Variants in NRG1 observed in about 807,000 individuals in gnomAD.
NRG1 encodes the protein neuregulin 1.
In NRG1, 18 loss-of-function variants were observed where a neutral mutation model predicts 63.8. That is an observed-to-expected ratio of 0.28 (90% CI 0.19 to 0.42). The LOEUF (loss-of-function observed/expected upper bound fraction) is 0.42. Ranked by LOEUF, NRG1 falls within the 10% of genes least tolerant of loss-of-function variation. The pLI, the probability that NRG1 is intolerant of heterozygous loss-of-function variation, is 1.00. For synonymous variants in NRG1, 302 were observed against 301.3 expected, an observed-to-expected ratio of 1.00 and a Z score of -0.02; for missense variants, 762 against 814.7, an observed-to-expected ratio of 0.94 and a Z score of 0.79.
chr8:32,551,588 T>C (rs1220303763), intron 1 of NRG1, among the ~76,000 whole-genome samples: 1 of 152,224 alleles, frequency 6.6e-6, no homozygotes, highest in Non-Finnish European at 1.5e-5. Flanking sequence ...GATACATACA[T>C]GGCTATTTCA....
chr8:31,708,034 T>C (rs569124219), intron 1 of NRG1, among the ~76,000 whole-genome samples: 1 of 152,326 alleles, frequency 6.6e-6, no homozygotes, highest in East Asian at 1.9e-4. Flanking sequence ...TAATGGTTTT[T>C]GGTCTCGGTT....
intron 1 of NRG1, among the ~76,000 whole-genome samples, chr8:31,882,528 A>G (rs1419259828): frequency 6.6e-6 from 1 of 152,004 alleles, no homozygotes; most frequent in African/African-American, 2.4e-5. Context: ...TTGAAGAAAC[A>G]CATTTTTTAA....
intron 1 of NRG1, among the ~76,000 whole-genome samples, chr8:32,562,457 C>T (rs570630591): frequency 6.6e-4 from 100 of 152,120 alleles, no homozygotes; most frequent in Middle Eastern, 3.4e-3. Flanking sequence ...CTATGCTGCC[C>T]AAGCTGGTCT....
At chr8:32,313,150 G>A (rs1052139333) in intron 1 of NRG1, among the ~76,000 whole-genome samples, 3 of 152,116 alleles carry the variant, frequency 2.0e-5, no homozygotes, top group South Asian at 2.1e-4. Flanking sequence ...GTGAGATTCC[G>A]TCATATATAT....
chr8:32,657,431 C>G (rs549841562), intron 5 of NRG1, among the ~76,000 whole-genome samples: 11 of 152,146 alleles, frequency 7.2e-5, no homozygotes, highest in African/African-American at 2.7e-4. Context: ...TGCTCTGAAG[C>G]CAGTGTCCTA....
At chr8:31,671,184 T>C (rs1807103726) in intron 1 of NRG1, among the ~76,000 whole-genome samples, 1 of 152,110 alleles carries the variant, frequency 6.6e-6, no homozygotes, top group Non-Finnish European at 1.5e-5. Flanking sequence ...AAACAAAACA[T>C]AACTTGAGTT....
At chr8:32,470,960 G>A (rs908351370) in intron 1 of NRG1, among the ~76,000 whole-genome samples, 1 of 152,050 alleles carries the variant, frequency 6.6e-6, no homozygotes, top group South Asian at 2.1e-4. Flanking sequence ...ATCATGCGTG[G>A]CTAATTTCTA....
At chr8:32,470,608 C>G (rs1823723953) in intron 1 of NRG1, among the ~76,000 whole-genome samples, 1 of 152,146 alleles carries the variant, frequency 6.6e-6, no homozygotes, top group African/African-American at 2.4e-5. Flanking sequence ...GCATATAAAA[C>G]TAGAATTACT....
At chr8:32,133,850 G>A (rs1259550996) in intron 1 of NRG1, among the ~76,000 whole-genome samples, 1 of 152,090 alleles carries the variant, frequency 6.6e-6, no homozygotes, top group Non-Finnish European at 1.5e-5. Context: ...GATTTCTTAG[G>A]CCTGTTCATA....
intron 1 of NRG1, among the ~76,000 whole-genome samples, chr8:32,410,867 T>C (rs953245564): frequency 2.1e-5 from 3 of 143,644 alleles, no homozygotes; most frequent in African/African-American, 8.0e-5. Context: ...GCTTAAGTGA[T>C]CACAACCCAC....
chr8:32,307,589 T>TG (rs1563296243), intron 1 of NRG1, among the ~76,000 whole-genome samples: 20,926 of 93,428 alleles, frequency 0.22, 1,662 homozygotes, highest in Admixed American at 0.32. Flanking sequence ...ACCCAGGGGT[T>TG]TGTGTGTGTG....
chr8:31,904,633 T>A (rs145116310), intron 1 of NRG1, among the ~76,000 whole-genome samples: 5 of 152,232 alleles, frequency 3.3e-5, no homozygotes, highest in Non-Finnish European at 4.4e-5. Flanking sequence ...ACCTAAATGC[T>A]CACCAACAGT....
intron 1 of NRG1, among the ~76,000 whole-genome samples, chr8:32,297,366 A>G (rs1488374699): frequency 6.6e-6 from 1 of 152,150 alleles, no homozygotes; most frequent in Non-Finnish European, 1.5e-5. Context: ...TTTTAGACTC[A>G]TTTAAATAGT....
At chr8:32,279,366 GT>G (rs1563263553) in intron 1 of NRG1, among the ~76,000 whole-genome samples, 1 of 152,006 alleles carries the variant, frequency 6.6e-6, no homozygotes, top group Admixed American at 6.6e-5. Context: ...GTTTTGTTTT[GT>G]TTTTGAGACG....
intron 1 of NRG1, among the ~76,000 whole-genome samples, chr8:32,363,279 G>A (rs1807477072): frequency 6.6e-6 from 1 of 152,132 alleles, no homozygotes; most frequent in Non-Finnish European, 1.5e-5. Context: ...AAGAACAATA[G>A]ATGCCTCATC....
At chr8:32,353,616 G>A (rs1182812615) in intron 1 of NRG1, among the ~76,000 whole-genome samples, 2 of 152,164 alleles carry the variant, frequency 1.3e-5, no homozygotes, top group Middle Eastern at 3.2e-3. Context: ...GCTAAAATGA[G>A]ATTCTTCTAA....
chr8:31,725,021 G>A (rs755920977), intron 1 of NRG1, among the ~76,000 whole-genome samples: 43 of 152,126 alleles, frequency 2.8e-4, no homozygotes, highest in Non-Finnish European at 5.6e-4. Context: ...TTTATTTATA[G>A]ATACAGAAAT....
intron 5 of NRG1, among the ~76,000 whole-genome samples, chr8:32,661,602 A>G (rs1359584737): frequency 6.6e-6 from 1 of 151,694 alleles, no homozygotes; most frequent in Non-Finnish European, 1.5e-5. Context: ...TCTAAAAAAC[A>G]GGAATGCCAC....
At chr8:32,773,584 G>A (rs1258903107) in intron 7 of NRG1, among the ~76,000 whole-genome samples, 1 of 152,088 alleles carries the variant, frequency 6.6e-6, no homozygotes, top group Admixed American at 6.6e-5. Context: ...CCACTGACAG[G>A]TCACACAAGT....
Sources: allele counts gnomAD v4.1 joint callset (sites outside exome capture counted in the v4.1 genomes callset), GRCh38; gene constraint gnomAD v4.1.1; transcripts MANE v1.5; gene names NCBI Gene and HGNC (gene_info 2026-07-23, HGNC 2026-07-21).